Variants in KCNH2 observed in about 807,000 individuals in gnomAD.
KCNH2 encodes potassium voltage-gated channel subfamily H member 2.
Under a neutral mutation model 95.9 loss-of-function variants are expected in KCNH2, and 35 were observed. The ratio of observed to expected loss-of-function variants is 0.37; its 90% CI spans 0.28 to 0.48. KCNH2 has a LOEUF of 0.48. KCNH2 is among the 20% of genes least tolerant of loss of function. The pLI is 0.99. For missense variants in KCNH2, 1,274 were observed against 1,702.9 expected (o/e 0.75, Z 4.43); for synonymous variants, 786 against 754.7 (o/e 1.04, Z -0.68).
At chr7:150,967,139 T>C (rs1019984140) in intron 2 of KCNH2, among the ~76,000 whole-genome samples, 1 of 151,996 alleles carries the variant, frequency 6.6e-6, no homozygotes, top group Non-Finnish European at 1.5e-5. Context: ...ATTAGCCGGA[T>C]GTGGTGGTGC....
rs768722100 is a variant in KCNH2 at position 150,951,590 on chromosome 7, G to C, written c.1803C>G (p.Gly601=). Residue 601 remains glycine (G), a synonymous_variant, in exon 7 of 15, where the codon GGC becomes GGG. Coordinates refer to ENST00000262186, the MANE Select transcript of KCNH2 (RefSeq NM_000238.4). ...DQIGKPYNSS[G]LGGPSIKDKY... is the part of the protein sequence containing the mutation. ...TGTCCTTGATGGAGGGGCCGCCCAG[G>C]CCGCTGCTGTTGTAGGGTTTGCCTA... 1 of 1,614,214 alleles carries C rather than the reference G, an allele frequency of 6.2e-7. No individual in the cohort carries two copies. Among genetic ancestry groups the C allele is most frequent in the Non-Finnish European group, 8.5e-7 (1 of 1,180,048 alleles).
In KCNH2 at chr7:150,962,937, G is replaced by T. The variant is rs966774015; in HGVS notation, c.308-3201C>A. ...CACCTGCTCCCAGCTCTTCAGCCAG[G>T]CCTCCCAGCCAGACTCCATCCCACC... is the stretch of plus-strand genomic sequence containing the variant. On this transcript the variant is annotated intron_variant, in intron 2 of 14. Transcript: ENST00000262186. This position sits in a 1 kb window ranked among gnomAD's most constrained non-coding sequence, Gnocchi z 5.7. 6.6e-6 allele frequency among the ~76,000 whole-genome samples: 1 copy of T among 152,162 alleles called. No homozygotes were observed. The highest frequency in any genetic ancestry group is 6.5e-5 in the Admixed American group (1 of 15,272).
chr7:150,948,419 C>CCCACAAA, intron 11 of KCNH2, 25 bp downstream of exon 11: 1 of 1,297,842 alleles, frequency 7.7e-7, no homozygotes, highest in Non-Finnish European at 1.1e-6. Flanking sequence ...CCCGCCCTCC[C>CCCACAAA]CCTTCCTCCC....
chr7:150,970,753 C>T (rs1235062878), intron 2 of KCNH2, among the ~76,000 whole-genome samples: 16 of 152,208 alleles, frequency 1.1e-4, no homozygotes, highest in Admixed American at 1.0e-3. Context: ...AGGCCTTGAC[C>T]AGAAGGATAG....
intron 5 of KCNH2, among the ~76,000 whole-genome samples, chr7:150,954,295 AG>A (rs1801290850): frequency 6.6e-6 from 1 of 150,554 alleles, no homozygotes; most frequent in Non-Finnish European, 1.5e-5. Context: ...AACACTGGCC[AG>A]GCCCCTGCTG....
chr7:150,968,539 T>C (rs1563183029), intron 2 of KCNH2, among the ~76,000 whole-genome samples: 2 of 152,188 alleles, frequency 1.3e-5, no homozygotes, highest in African/African-American at 4.8e-5. Flanking sequence ...TATATGCATA[T>C]ATCCAGACAA....
At chr7:150,974,198 G>A (rs1011262676) in intron 2 of KCNH2, among the ~76,000 whole-genome samples, 1 of 152,214 alleles carries the variant, frequency 6.6e-6, no homozygotes, top group Non-Finnish European at 1.5e-5. Flanking sequence ...CTGAAGCGCA[G>A]GGCAGGAGGG....
At chr7:150,967,983 G>A (rs1161776113) in intron 2 of KCNH2, among the ~76,000 whole-genome samples, 1 of 152,216 alleles carries the variant, frequency 6.6e-6, no homozygotes, top group East Asian at 1.9e-4. Flanking sequence ...AAGGACATGA[G>A]CAGGCAATTC....
At chr7:150,959,861 C>T in intron 2 of KCNH2, 125 bp from the exon 3 acceptor site, 1 of 1,049,782 alleles carries the variant, frequency 9.5e-7, no homozygotes, top group Non-Finnish European at 1.4e-6. Flanking sequence ...GGCCCTTCCT[C>T]TCCGGGATCT....
Position 150,945,239 on chromosome 7 carries a change from G to A in KCNH2, c.*126C>T. 1 of 1,068,470 alleles carries A rather than the reference G, an allele frequency of 9.4e-7. No homozygotes were observed. Among genetic ancestry groups the A allele is most frequent in the South Asian group, 1.6e-5 (1 of 61,210 alleles). 66.2% of individuals were successfully genotyped at this position (1,068,470 alleles called of 1,614,324 possible). A position where few individuals can be genotyped will look rare whatever the true frequency, so the allele number is the denominator to read the frequency against. On this transcript the variant is annotated 3_prime_UTR_variant, in exon 15 of 15. Transcript: ENST00000262186. This position sits in a 1 kb window ranked among gnomAD's most constrained non-coding sequence, Gnocchi z 5.6. ...GAAGATGGTCCCAAGGGCTGGGGGA[G>A]GAGCTGTGCTTTCGAGTTCCTCTCC...
rs1563175457 is a variant in KCNH2 at position 150,961,620 on chromosome 7, C to G, written c.308-1884G>C. 6.6e-6 allele frequency among the ~76,000 whole-genome samples: 1 copy of G among 152,076 alleles called. No homozygotes were observed. Among genetic ancestry groups the G allele is most frequent in the Non-Finnish European group, 1.5e-5 (1 of 67,942 alleles). On this transcript the variant is annotated intron_variant, in intron 2 of 14. Transcript: ENST00000262186. The surrounding 1 kb of genome is among the most constrained non-coding windows in gnomAD (Gnocchi z 6.2). ...CAGCCTCTCCTCACCTTTCTACCTC[C>G]TAGAGCCTCCCTGGCTCACCCCTAC... is the stretch of plus-strand genomic sequence containing the variant.
Position 150,946,838 on chromosome 7 carries a change from CG to C in KCNH2, c.3330+38del, listed in dbSNP as rs1157780143. ...GTTTGGGCTGGAATCGGGGAACAAGCGGGTCACGGTACATCGAGGAAGCAGG... is the reference window on the plus strand; with the variant it reads ...GTTTGGGCTGGAATCGGGGAACAAGCGGTCACGGTACATCGAGGAAGCAGG... On this transcript the variant is annotated intron_variant, in intron 14 of 14. Transcript: ENST00000262186. This position sits in a 1 kb window ranked among gnomAD's most constrained non-coding sequence, Gnocchi z 6.5. The C allele has an allele frequency of 1.3e-6, 2 of 1,558,780 alleles. No homozygotes were observed. The highest frequency in any genetic ancestry group is 3.5e-5 in the Admixed American group (2 of 56,804).
chr7:150,974,586 C>T (rs1042974929), intron 2 of KCNH2, 125 bp downstream of exon 2: 3 of 836,962 alleles, frequency 3.6e-6, no homozygotes, highest in Non-Finnish European at 5.6e-6. Context: ...CAGAACCCTG[C>T]CCGGGCTCGG....
rs1439858254 is a variant in KCNH2 at position 150,952,875 on chromosome 7, G to A, written c.1129-22C>T. On this transcript the variant is annotated intron_variant, in intron 5 of 14. Transcript: ENST00000262186. This position sits in a 1 kb window ranked among gnomAD's most constrained non-coding sequence, Gnocchi z 7.3. Reference sequence around the variant, plus strand: ...GGACCTGCACCCGGGGAAGGCGGAGGTGTGGGTGAGGCAGGCCATGGGACC... The same window carrying A: ...GGACCTGCACCCGGGGAAGGCGGAGATGTGGGTGAGGCAGGCCATGGGACC... 5.0e-6 allele frequency: 8 copies of A among 1,609,802 alleles called. No individual in the cohort carries two copies. Among genetic ancestry groups the A allele is most frequent in the Non-Finnish European group, 6.8e-6 (8 of 1,179,642 alleles).
At chr7:150,947,997 C>T in intron 11 of KCNH2, 119 bp from the exon 12 acceptor site, 2 of 1,237,668 alleles carry the variant, frequency 1.6e-6, no homozygotes, top group Non-Finnish European at 2.2e-6. Flanking sequence ...CCTGGTTTGT[C>T]CCCAGTCGCT....
chr7:150,974,871 G>A lies in KCNH2; in HGVS notation c.147C>T (p.Cys49=), dbSNP rs794728410. 1 of 1,611,792 alleles carries A rather than the reference G, an allele frequency of 6.2e-7. No individual in the cohort carries two copies. Among genetic ancestry groups the A allele is most frequent in the Admixed American group, 1.7e-5 (1 of 59,880 alleles). The change falls in exon 2 of 15, where the codon TGC becomes TGT. Residue 49 remains cysteine (C), a synonymous_variant. Transcript: ENST00000262186. ...CAVIYCNDGF[C]ELCGYSRAEV... ...CGGCCCGCGAGTAGCCGCACAGCTC[G>A]CAGAAGCCGTCGTTGCAGTAGATGA...
At chr7:150,966,689 C>T (rs570051305) in intron 2 of KCNH2, among the ~76,000 whole-genome samples, 3 of 152,196 alleles carry the variant, frequency 2.0e-5, no homozygotes, top group East Asian at 3.9e-4. Context: ...AATTAGGAAA[C>T]ATAGTCAAAA....
chr7:150,959,075 A>T (rs1801480137), intron 3 of KCNH2, among the ~76,000 whole-genome samples: 1 of 152,238 alleles, frequency 6.6e-6, no homozygotes, highest in Non-Finnish European at 1.5e-5. Context: ...GGTCCAGCCC[A>T]GGTGGGCATT....
At chr7:150,966,690 A>G (rs1013452570) in intron 2 of KCNH2, among the ~76,000 whole-genome samples, 1 of 152,218 alleles carries the variant, frequency 6.6e-6, no homozygotes. Flanking sequence ...ATTAGGAAAC[A>G]TAGTCAAAAA....
Sources: gnomAD v4.1 joint callset for allele counts (sites outside exome capture counted in the v4.1 genomes callset) on GRCh38, gnomAD v4.1.1 for gene constraint, Gnocchi (gnomAD v3.1) non-coding constraint, MANE v1.5 for transcripts, NCBI Gene and HGNC (gene_info 2026-07-23, HGNC 2026-07-21) for gene names.